PARPBP: variants seen among roughly 807,000 people sequenced by gnomAD.
PARPBP encodes the protein PARP1 binding protein.
PARPBP carries 52 observed loss-of-function variants against 50.0 expected under a neutral mutation model. The observed-to-expected ratio is 1.04, with a 90% CI of 0.83 to 1.31. The LOEUF (loss-of-function observed/expected upper bound fraction) is 1.31. Ranked by LOEUF, PARPBP falls within the 50% of genes most tolerant of loss-of-function variation. The pLI, the probability that PARPBP is intolerant of heterozygous loss-of-function variation, is 0.00. For synonymous variants in PARPBP, 244 were observed against 232.1 expected (o/e 1.05, Z -0.47); for missense variants, 697 against 672.0 (o/e 1.04, Z -0.41).
At chr12:102,194,847 A>T (rs745566497) in intron 9 of PARPBP, among the ~76,000 whole-genome samples, 2 of 151,058 alleles carry the variant, frequency 1.3e-5, no homozygotes, top group African/African-American at 2.4e-5. Flanking sequence ...TCTTTTTTTC[A>T]TCTTAGCATT....
chr12:102,193,067 T>C (rs902300871), intron 9 of PARPBP, among the ~76,000 whole-genome samples: 56 of 151,768 alleles, frequency 3.7e-4, no homozygotes, highest in Non-Finnish European at 6.9e-4. Flanking sequence ...CAGGAATCCA[T>C]TGCCTTGTGA....
At chr12:102,120,839 C>T (rs1880933518) in intron 1 of PARPBP, among the ~76,000 whole-genome samples, 1 of 152,090 alleles carries the variant, frequency 6.6e-6, no homozygotes, top group African/African-American at 2.4e-5. Flanking sequence ...ATTTTAAATA[C>T]CGAAGGACTA....
At chr12:102,127,435 A>G (rs183485167) in intron 2 of PARPBP, among the ~76,000 whole-genome samples, 40 of 152,204 alleles carry the variant, frequency 2.6e-4, no homozygotes, top group Middle Eastern at 3.4e-3. Flanking sequence ...TATGTCATCA[A>G]TGGAAGAGAG....
chr12:102,122,228 T>TC (rs1278866232), intron 1 of PARPBP, among the ~76,000 whole-genome samples: 1 of 152,226 alleles, frequency 6.6e-6, no homozygotes, highest in Non-Finnish European at 1.5e-5. Context: ...CTTTCTTTTT[T>TC]CTTTCAAGAG....
At chr12:102,171,797 A>T (rs1888774295) in intron 6 of PARPBP, among the ~76,000 whole-genome samples, 1 of 151,418 alleles carries the variant, frequency 6.6e-6, no homozygotes, top group African/African-American at 2.4e-5. Context: ...TGAACCCGGG[A>T]GGCGGAGCTT....
intron 6 of PARPBP, among the ~76,000 whole-genome samples, chr12:102,168,222 G>A (rs942752577): frequency 1.5e-4 from 23 of 152,100 alleles, no homozygotes; most frequent in Admixed American, 1.2e-3. Context: ...AAATGTGTAT[G>A]TTCAATCCAA....
chr12:102,183,130 A>G (rs1401991925), intron 9 of PARPBP, among the ~76,000 whole-genome samples: 1 of 152,142 alleles, frequency 6.6e-6, no homozygotes, highest in African/African-American at 2.4e-5. Flanking sequence ...TTCATATGAA[A>G]CATCTGTGCC....
chr12:102,122,098 G>C (rs2136929163), intron 1 of PARPBP, among the ~76,000 whole-genome samples: 2 of 152,250 alleles, frequency 1.3e-5, no homozygotes, highest in East Asian at 3.9e-4. Context: ...TCCCAAGTGA[G>C]TCTTCATTCA....
chr12:102,176,756 T>C (rs1252520762), intron 7 of PARPBP, among the ~76,000 whole-genome samples: 4 of 152,224 alleles, frequency 2.6e-5, no homozygotes, highest in Admixed American at 2.6e-4. Context: ...GTTCATTCAT[T>C]TACTCACAGC....
chr12:102,164,656 T>TC (rs746544687), intron 5 of PARPBP, 48 bp downstream of exon 5: 4 of 1,461,170 alleles, frequency 2.7e-6, no homozygotes, highest in South Asian at 1.1e-5. Context: ...GCACAGTGGA[T>TC]CCATGTATCC....
chr12:102,146,763 C>G (rs893732592), intron 2 of PARPBP, among the ~76,000 whole-genome samples: 3 of 151,986 alleles, frequency 2.0e-5, no homozygotes, highest in African/African-American at 7.3e-5. Context: ...AAGAAACTAC[C>G]GTCAGAGTGA....
intron 2 of PARPBP, among the ~76,000 whole-genome samples, chr12:102,138,712 C>G (rs1181153329): frequency 6.6e-6 from 1 of 152,140 alleles, no homozygotes; most frequent in Non-Finnish European, 1.5e-5. Flanking sequence ...ATATGGCTAG[C>G]CAGTTTTCCC....
intron 2 of PARPBP, among the ~76,000 whole-genome samples, chr12:102,129,043 G>A (rs1053624223): frequency 2.6e-5 from 4 of 151,946 alleles, no homozygotes; most frequent in Non-Finnish European, 5.9e-5. Flanking sequence ...TTTTTCTGAT[G>A]ATTAGTAATG....
chr12:102,129,416 T>C (rs1346047047), intron 2 of PARPBP, among the ~76,000 whole-genome samples: 1 of 152,212 alleles, frequency 6.6e-6, no homozygotes, highest in Non-Finnish European at 1.5e-5. Context: ...CTCTTCACTC[T>C]GCTGATTGTT....
In PARPBP at chr12:102,164,852, G is replaced by A. The variant is rs369800742; in HGVS notation, c.666+244G>A. ...GTGCTAGCCCTGATAAATTCTCTGT[G>A]AATAAATGTTTCCAGTGTCAAAACG... On this transcript the variant is annotated intron_variant, in intron 5 of 10. Coordinates refer to ENST00000327680, the MANE Select transcript of PARPBP (RefSeq NM_017915.5). Among the ~76,000 whole-genome samples, 17 of 152,220 alleles carry A rather than the reference G, an allele frequency of 1.1e-4. 1 individual carries two copies. The highest frequency in any genetic ancestry group is 2.0e-4 in the Admixed American group (3 of 15,280).
chr12:102,179,382 C>G (rs2136841091), intron 8 of PARPBP, among the ~76,000 whole-genome samples: 1 of 152,322 alleles, frequency 6.6e-6, no homozygotes, highest in South Asian at 2.1e-4. Context: ...TTGATGCTGT[C>G]TTCGTCTACT....
intron 7 of PARPBP, among the ~76,000 whole-genome samples, chr12:102,176,041 G>A (rs935560949): frequency 2.7e-5 from 4 of 149,864 alleles, no homozygotes; most frequent in South Asian, 2.1e-4. Context: ...GTAGTGCAAT[G>A]GCACGATCTT....
At chr12:102,123,329 G>A (rs1321448233) in intron 1 of PARPBP, among the ~76,000 whole-genome samples, 2 of 152,088 alleles carry the variant, frequency 1.3e-5, no homozygotes, top group East Asian at 3.9e-4. Context: ...TATTGTATTA[G>A]TACTTCTGCA....
Position 102,164,524 on chromosome 12 carries a change from C to T in PARPBP, c.582C>T (p.Leu194=). The T allele has an allele frequency of 6.2e-7, 1 of 1,612,108 alleles. No individual in the cohort carries two copies. Among genetic ancestry groups the T allele is most frequent in the Non-Finnish European group, 8.5e-7 (1 of 1,178,254 alleles). The change falls in exon 5 of 11, where the codon CTC becomes CTT. Residue 194 remains leucine (L), a synonymous_variant. Transcript: ENST00000327680. The part of the protein sequence containing the change: ...SKNDLAVAYI[L]NIPDRGLGRE... ...ATGACCTGGCTGTGGCTTATATTCT[C>T]AATATTCCTGATAGAGGACTAGGAA...
Sources: allele counts gnomAD v4.1 joint callset (sites outside exome capture counted in the v4.1 genomes callset), GRCh38; gene constraint gnomAD v4.1.1; transcripts MANE v1.5; gene names NCBI Gene and HGNC (gene_info 2026-07-23, HGNC 2026-07-21).